The following NRXN3 variants were observed in gnomAD, a reference collection of about 807,000 sequenced individuals.
NRXN3 encodes the protein neurexin 3, also known as neurexin III.
A neutral mutation model predicts 137.6 loss-of-function variants in NRXN3; 32 were observed. The ratio of observed to expected loss-of-function variants is 0.23; its 90% CI spans 0.18 to 0.31. The LOEUF (loss-of-function observed/expected upper bound fraction) is 0.31. Among genes scored for constraint, NRXN3 ranks in the 10% least tolerant of loss-of-function variants. The pLI, the probability that NRXN3 is intolerant of heterozygous loss-of-function variation, is 1.00. For synonymous variants in NRXN3, 798 were observed against 784.5 expected (o/e 1.02, Z -0.29); for missense variants, 1,574 against 2,062.5 (o/e 0.76, Z 4.59).
intron 20 of NRXN3, among the ~76,000 whole-genome samples, chr14:79,820,898 T>C (rs939336658): frequency 6.6e-6 from 1 of 152,188 alleles, no homozygotes; most frequent in Non-Finnish European, 1.5e-5. Context: ...AGGTTAACTT[T>C]GGGTGGCCAG....
intron 19 of NRXN3, among the ~76,000 whole-genome samples, chr14:79,747,125 G>A (rs2098982189): frequency 6.6e-6 from 1 of 151,976 alleles, no homozygotes; most frequent in Non-Finnish European, 1.5e-5. Flanking sequence ...AGTCAGAAAA[G>A]CTACATATAT....
At chr14:79,375,117 G>C (rs980520926) in intron 15 of NRXN3, among the ~76,000 whole-genome samples, 2 of 151,966 alleles carry the variant, frequency 1.3e-5, no homozygotes, top group Admixed American at 6.6e-5. Context: ...GAGGTCCAGA[G>C]ATTTAAATTA....
Position 79,867,504 on chromosome 14 carries a change from T to C in NRXN3, c.*5540T>C, listed in dbSNP as rs1288125422. On this transcript the variant is annotated 3_prime_UTR_variant, in exon 21 of 21. Transcript: ENST00000335750. ...GCACTGAGAGATTTCTTTTTCTTGC[T>C]CTTCTTATAAGACCACCAGTGCTAT... 6.6e-6 allele frequency: 1 copy of C among 152,208 alleles called. No individual in the cohort carries two copies. The allele number at this position is 152,208 out of a possible 1,614,324, so 9.4% of individuals were successfully genotyped here.
chr14:79,449,215 G>T (rs893325728), intron 15 of NRXN3, among the ~76,000 whole-genome samples: 9 of 152,258 alleles, frequency 5.9e-5, no homozygotes, highest in Middle Eastern at 3.4e-3. Flanking sequence ...TAGTGAAGAT[G>T]ATTAAATAGC....
rs78394650 is a variant in NRXN3 at position 79,647,211 on chromosome 14, T to A, written c.3445-16567T>A. 9.7e-3 allele frequency among the ~76,000 whole-genome samples: 1,316 copies of A among 136,070 alleles called. 111 individuals carry two copies. Among genetic ancestry groups the A allele is most frequent in the African/African-American group, 0.031 (1,262 of 40,936 alleles). The allele number at this position is 136,070 out of a possible 152,430, so 89.3% of individuals were successfully genotyped here. A position where few individuals can be genotyped will look rare whatever the true frequency, so the allele number is the denominator to read the frequency against. On this transcript the variant is annotated intron_variant, in intron 16 of 20. Coordinates refer to ENST00000335750, the MANE Select transcript of NRXN3 (RefSeq NM_001330195.2). The stretch of plus-strand genomic sequence containing the variant: ...TTATATTGCAATGAATATTTTTTAT[T>A]TGACAGTCTGTTATAAACGAAAATA...
intron 15 of NRXN3, among the ~76,000 whole-genome samples, chr14:78,988,980 G>A (rs960865194): frequency 3.3e-5 from 5 of 152,154 alleles, no homozygotes; most frequent in African/African-American, 1.2e-4. Flanking sequence ...AATGCTGTGG[G>A]CATCTATAAC....
chr14:79,676,603 G>C (rs1198934201), intron 17 of NRXN3, among the ~76,000 whole-genome samples: 1 of 151,924 alleles, frequency 6.6e-6, no homozygotes, highest in Non-Finnish European at 1.5e-5. Context: ...AAGAAAGAAA[G>C]GAAAGGGAGA....
chr14:79,459,614 A>G (rs1285007496), intron 15 of NRXN3, among the ~76,000 whole-genome samples: 4 of 152,172 alleles, frequency 2.6e-5, no homozygotes, highest in South Asian at 2.1e-4. Flanking sequence ...CCTGTGGTAC[A>G]TTTTACACAG....
intron 4 of NRXN3, among the ~76,000 whole-genome samples, chr14:78,450,440 T>C (rs2094524737): frequency 6.6e-6 from 1 of 152,212 alleles, no homozygotes; most frequent in Non-Finnish European, 1.5e-5. Flanking sequence ...GGAACTGTGC[T>C]CCAGTCTTCT....
intron 15 of NRXN3, among the ~76,000 whole-genome samples, chr14:79,163,893 A>G (rs1352220718): frequency 7.5e-6 from 1 of 133,384 alleles, no homozygotes; most frequent in Non-Finnish European, 1.7e-5. Flanking sequence ...AATAATGCCA[A>G]CAACAACAAC....
chr14:78,975,778 T>C (rs183860438), intron 14 of NRXN3, among the ~76,000 whole-genome samples: 1 of 152,344 alleles, frequency 6.6e-6, no homozygotes, highest in East Asian at 1.9e-4. Flanking sequence ...TCCTGTTTGC[T>C]GCACACACCC....
chr14:79,293,859 T>C (rs1465785785), intron 15 of NRXN3, among the ~76,000 whole-genome samples: 1 of 152,214 alleles, frequency 6.6e-6, no homozygotes, highest in African/African-American at 2.4e-5. Flanking sequence ...ATGAGAGCTT[T>C]TGAGCCTAAT....
chr14:79,603,401 T>C lies in NRXN3; in HGVS notation c.3445-60377T>C, dbSNP rs528188270. ...TATTGCCCTGTCCCTGCATATCTTC[T>C]GGCCTTATAGACCTCTGTGCCTTTA... On this transcript the variant is annotated intron_variant, in intron 16 of 20. Transcript: ENST00000335750. 1.1e-4 allele frequency among the ~76,000 whole-genome samples: 17 copies of C among 152,354 alleles called. No individual in the cohort carries two copies. The East Asian group carries it at 3.1e-3, about 28-fold the overall frequency.
At chr14:79,300,558 A>G (rs1381857969) in intron 15 of NRXN3, among the ~76,000 whole-genome samples, 1 of 152,018 alleles carries the variant, frequency 6.6e-6, no homozygotes, top group South Asian at 2.1e-4. Flanking sequence ...CTCACGTGAT[A>G]TCTCTGTGCT....
At chr14:78,990,994 G>A (rs922651288) in intron 15 of NRXN3, among the ~76,000 whole-genome samples, 3 of 152,154 alleles carry the variant, frequency 2.0e-5, no homozygotes, top group Admixed American at 2.0e-4. Flanking sequence ...TTACCTGCAT[G>A]ATATTCTATA....
chr14:79,024,295 C>A lies in NRXN3; in HGVS notation c.3262+36154C>A, dbSNP rs190684963. ...CCCTCTCTCCTTTCTCTCTTTTTTT[C>A]TTCTCACCTGTGTGCTGAAACACAA... On this transcript the variant is annotated intron_variant, in intron 15 of 20. Transcript: ENST00000335750. Among the ~76,000 whole-genome samples the A allele has an allele frequency of 6.4e-4, 97 of 152,180 alleles. No individual in the cohort carries two copies. The East Asian group carries it at 0.018, about 28-fold the overall frequency.
intron 10 of NRXN3, among the ~76,000 whole-genome samples, chr14:78,833,053 G>A (rs2098986918): frequency 1.3e-5 from 2 of 152,196 alleles, no homozygotes; most frequent in East Asian, 1.9e-4. Flanking sequence ...GACTCCATGA[G>A]GCTGAGGCTC....
chr14:79,420,585 G>A (rs1301468298), intron 15 of NRXN3, among the ~76,000 whole-genome samples: 2 of 152,120 alleles, frequency 1.3e-5, no homozygotes, highest in East Asian at 3.9e-4. Flanking sequence ...CACTGAGTTA[G>A]GAATTGGCCT....
chr14:79,090,077 T>TTATA (rs1318946435), intron 15 of NRXN3, among the ~76,000 whole-genome samples: 2 of 152,134 alleles, frequency 1.3e-5, no homozygotes, highest in African/African-American at 4.8e-5. Flanking sequence ...GGATAGGTAT[T>TTATA]TATATATCAA....
Sources: allele counts gnomAD v4.1 joint callset (sites outside exome capture counted in the v4.1 genomes callset), GRCh38; gene constraint gnomAD v4.1.1; transcripts MANE v1.5; gene names NCBI Gene and HGNC (gene_info 2026-07-23, HGNC 2026-07-21).